The following SNX30 variants were observed in gnomAD, a reference collection of about 807,000 sequenced individuals.
The protein encoded by SNX30 is sorting nexin-30.
Under a neutral mutation model 46.4 loss-of-function variants are expected in SNX30, and 24 were observed. The ratio of observed to expected loss-of-function variants is 0.52; its 90% CI spans 0.37 to 0.73. The LOEUF (loss-of-function observed/expected upper bound fraction) is 0.73. SNX30 is among the 30% of genes least tolerant of loss of function. The probability of loss-of-function intolerance (pLI) is 0.00; values close to 1 mark genes in which losing one functional copy is unlikely to be tolerated. For missense variants in SNX30, 533 were observed against 555.7 expected (o/e 0.96, Z 0.41); for synonymous variants, 189 against 211.5 (o/e 0.89, Z 0.92).
chr9:112,766,666 T>C (rs970674861), intron 1 of SNX30, among the ~76,000 whole-genome samples: 1 of 152,242 alleles, frequency 6.6e-6, no homozygotes. Context: ...TTTGTTTCTA[T>C]TGTTTTTGAA....
intron 1 of SNX30, among the ~76,000 whole-genome samples, chr9:112,790,741 T>C (rs1460851507): frequency 6.6e-6 from 1 of 152,216 alleles, no homozygotes; most frequent in African/African-American, 2.4e-5. Context: ...TCCACTTCTT[T>C]CCCAGAACAT....
intron 3 of SNX30, among the ~76,000 whole-genome samples, chr9:112,819,214 A>C (rs1443893423): frequency 6.6e-6 from 1 of 151,196 alleles, no homozygotes; most frequent in Admixed American, 6.6e-5. Flanking sequence ...AATAAACACC[A>C]TTATTAACTA....
At chr9:112,755,429 G>A (rs2131344133) in intron 1 of SNX30, among the ~76,000 whole-genome samples, 1 of 152,170 alleles carries the variant, frequency 6.6e-6, no homozygotes, top group South Asian at 2.1e-4. Flanking sequence ...GGAGGGGTCA[G>A]ATTATATTGA....
chr9:112,825,071 A>G (rs1840561478), intron 3 of SNX30, among the ~76,000 whole-genome samples: 1 of 152,198 alleles, frequency 6.6e-6, no homozygotes, highest in African/African-American at 2.4e-5. Context: ...ATTTTGTTTG[A>G]GCACTTATTT....
intron 1 of SNX30, among the ~76,000 whole-genome samples, chr9:112,804,173 T>G (rs1220581734): frequency 1.3e-5 from 2 of 151,954 alleles, no homozygotes; most frequent in East Asian, 3.9e-4. Flanking sequence ...GAGGTTTGTT[T>G]TTTTTTTTTA....
chr9:112,772,189 G>GT (rs1839662878), intron 1 of SNX30, among the ~76,000 whole-genome samples: 5 of 152,148 alleles, frequency 3.3e-5, no homozygotes, highest in Admixed American at 3.3e-4. Flanking sequence ...CTAGTGAGGG[G>GT]TTACTCTAGC....
intron 1 of SNX30, among the ~76,000 whole-genome samples, chr9:112,776,597 G>T (rs1044056887): frequency 2.0e-5 from 3 of 152,200 alleles, no homozygotes; most frequent in African/African-American, 7.2e-5. Flanking sequence ...TGCTACCACT[G>T]GGGTGCATAT....
At chr9:112,865,039 A>T (rs1841298964) in intron 8 of SNX30, among the ~76,000 whole-genome samples, 1 of 149,330 alleles carries the variant, frequency 6.7e-6, no homozygotes, top group Admixed American at 6.7e-5. Context: ...CACCCCACAC[A>T]CACACTACAC....
intron 4 of SNX30, 93 bp downstream of exon 4, chr9:112,830,976 A>C: frequency 1.5e-6 from 2 of 1,344,924 alleles, no homozygotes; most frequent in Non-Finnish European, 2.0e-6. Context: ...GTCTCTACAA[A>C]AACTTTTAAC....
intron 1 of SNX30, among the ~76,000 whole-genome samples, chr9:112,770,508 T>C (rs1839631588): frequency 6.6e-6 from 1 of 151,946 alleles, no homozygotes; most frequent in Non-Finnish European, 1.5e-5. Context: ...CAGAGACTTC[T>C]CAGTTCTCAC....
At chr9:112,825,662 C>T (rs1235948592) in intron 3 of SNX30, among the ~76,000 whole-genome samples, 1 of 151,754 alleles carries the variant, frequency 6.6e-6, no homozygotes, top group Non-Finnish European at 1.5e-5. Context: ...AAGTCCACTC[C>T]CCTTTTTGCT....
Position 112,795,765 on chromosome 9 carries a change from T to TCACACACACACACACA in SNX30, c.157-8995_157-8980dup, listed in dbSNP as rs1554751568. On this transcript the variant is annotated intron_variant, in intron 1 of 8. Transcript: ENST00000374232. ...TCACACACACACACTCACAGTACAGTCACACACACACACACACACACACAC... is the reference window on the plus strand; with the variant it reads ...TCACACACACACACTCACAGTACAGTCACACACACACACACACACACACACACACACACACACACAC... Among the ~76,000 whole-genome samples, 544 of 123,310 alleles carry TCACACACACACACACA rather than the reference T, an allele frequency of 4.4e-3. 1 individual carries two copies. The highest frequency in any genetic ancestry group is 5.5e-3 in the Non-Finnish European group (319 of 57,680). The allele number at this position is 123,310 out of a possible 152,430, so 80.9% of individuals were successfully genotyped here.
At chr9:112,839,674 C>A (rs1320069909) in intron 6 of SNX30, among the ~76,000 whole-genome samples, 1 of 152,292 alleles carries the variant, frequency 6.6e-6, no homozygotes, top group East Asian at 1.9e-4. Flanking sequence ...GAAAAAGATA[C>A]GTGGTTCAGT....
chr9:112,838,572 C>T lies in SNX30; in HGVS notation c.889C>T (p.Pro297Ser), dbSNP rs779987171. Residue 297 changes from proline to serine, a missense_variant, in exon 6 of 9, where the codon CCC becomes TCC. Physicochemically the swap from Pro to Ser is moderately conservative, Grantham distance 74. Transcript: ENST00000374232. ...WSALEGELAE[P>S]LEGVSACIGN... ...CGCCTTGGAGGGTGAGCTGGCTGAA[C>T]CCCTGGAGGGTGTGTCAGCTTGCAT... 5.6e-6 allele frequency: 9 copies of T among 1,614,034 alleles called. No homozygotes were observed. The highest frequency in any genetic ancestry group is 2.2e-5 in the South Asian group (2 of 91,088).
intron 3 of SNX30, among the ~76,000 whole-genome samples, chr9:112,823,975 T>G (rs1840543558): frequency 6.6e-6 from 1 of 152,246 alleles, no homozygotes; most frequent in Non-Finnish European, 1.5e-5. Flanking sequence ...TTAGAAGCAG[T>G]ATTTTCTATT....
At chr9:112,864,169 A>G (rs963612670) in intron 7 of SNX30, 78 bp from the exon 8 acceptor site, 1 of 1,466,766 alleles carries the variant, frequency 6.8e-7, no homozygotes, top group Non-Finnish European at 9.5e-7. Flanking sequence ...GCCTTTGACA[A>G]ATGTGTGCTC....
At chr9:112,790,674 AG>A (rs2131387087) in intron 1 of SNX30, among the ~76,000 whole-genome samples, 1 of 152,360 alleles carries the variant, frequency 6.6e-6, no homozygotes, top group South Asian at 2.1e-4. Context: ...ATCCTTTTAA[AG>A]GATGGGAAGT....
rs1267217006 is a variant in SNX30, at chr9:112,836,408, A to G, written c.813A>G (p.Ile271Met). ...RIAQRIIKEE[I>M]EYLVELREYG... is the part of the protein sequence containing the mutation. ...CCCAGCGGATCATCAAAGAAGAAATAGGTGAGCTGTCTGTTGAGGTCTCGA... is the reference window on the plus strand; with the variant it reads ...CCCAGCGGATCATCAAAGAAGAAATGGGTGAGCTGTCTGTTGAGGTCTCGA... The change falls in exon 5 of 9, where the codon ATA (isoleucine) becomes ATG (methionine). Residue 271 changes from isoleucine (I) to methionine (M), a missense_variant and splice_region_variant. Ile to Met is a conservative substitution (Grantham distance 10, BLOSUM62 1). This residue lies in a region of SNX30 where 261 missense variants were observed against 270.9 expected (regional missense o/e 0.96). Coordinates refer to ENST00000374232, the MANE Select transcript of SNX30 (RefSeq NM_001012994.2). 3.1e-6 allele frequency: 5 copies of G among 1,588,830 alleles called. No individual in the cohort carries two copies. Among genetic ancestry groups the G allele is most frequent in the Non-Finnish European group, 3.5e-6 (4 of 1,158,736 alleles).
intron 1 of SNX30, among the ~76,000 whole-genome samples, chr9:112,768,052 A>G (rs543846000): frequency 6.6e-6 from 1 of 152,314 alleles, no homozygotes. Context: ...CCACCTTCAT[A>G]AAGTGCTGCC....
Sources: allele counts gnomAD v4.1 joint callset (sites outside exome capture counted in the v4.1 genomes callset), GRCh38; gene constraint gnomAD v4.1.1; regional missense constraint gnomAD v4.1.1; transcripts MANE v1.5; gene names NCBI Gene and HGNC (gene_info 2026-07-23, HGNC 2026-07-21).